HSPA12B: variants seen among roughly 807,000 people sequenced by gnomAD.
HSPA12B encodes heat shock protein family A (Hsp70) member 12B.
Under a neutral mutation model 69.3 loss-of-function variants are expected in HSPA12B, and 54 were observed. The ratio of observed to expected loss-of-function variants is 0.78; its 90% CI spans 0.63 to 0.98. The LOEUF (loss-of-function observed/expected upper bound fraction) is 0.98, where lower values mean the gene tolerates loss of function less well. Ranked by LOEUF, HSPA12B falls within the 50% of genes least tolerant of loss-of-function variation. HSPA12B has a pLI of 0.00. For synonymous variants in HSPA12B, 441 were observed against 436.5 expected, an observed-to-expected ratio of 1.01 and a Z score of -0.13; for missense variants, 929 against 999.8, an observed-to-expected ratio of 0.93 and a Z score of 0.96.
At position 3,752,259 on chromosome 20, in the gene HSPA12B, A is replaced by G; in HGVS notation, c.*93A>G. 1 of 1,226,386 alleles carries G rather than the reference A, an allele frequency of 8.2e-7. No homozygotes were observed. Among genetic ancestry groups the G allele is most frequent in the Non-Finnish European group, 1.1e-6 (1 of 931,072 alleles). 76.0% of individuals were successfully genotyped at this position (1,226,386 alleles called of 1,614,324 possible). On this transcript the variant is annotated 3_prime_UTR_variant, in exon 13 of 13. Transcript: ENST00000254963. The stretch of plus-strand genomic sequence containing the variant: ...AGCGGGTTGGGGCGGGGGAAACGAT[A>G]GTTCTGCAGTCTGCGCCTTTCCACG...
Position 3,746,081 on chromosome 20 carries a change from C to G in HSPA12B, c.675+50C>G, listed in dbSNP as rs200657648. On this transcript the variant is annotated intron_variant, in intron 7 of 12. Transcript: ENST00000254963. ...GAACACTGCTCAGGAAGGGCCAGGCCTGTCCCCATGCTTGCATGCACCCCA... is the reference window on the plus strand; with the variant it reads ...GAACACTGCTCAGGAAGGGCCAGGCGTGTCCCCATGCTTGCATGCACCCCA... The G allele has an allele frequency of 5.5e-5, 77 of 1,404,278 alleles. No homozygotes were observed. In the Admixed American group the frequency reaches 1.3e-3, roughly 23 times the overall value. 87.0% of individuals were successfully genotyped at this position (1,404,278 alleles called of 1,614,324 possible). A position where few individuals can be genotyped will look rare whatever the true frequency, so the allele number is the denominator to read the frequency against.
intron 1 of HSPA12B, among the ~76,000 whole-genome samples, chr20:3,736,800 A>C (rs1029930208): frequency 6.6e-6 from 1 of 152,206 alleles, no homozygotes; most frequent in Non-Finnish European, 1.5e-5. Flanking sequence ...AGACGGGCGG[A>C]TCACCTGAGG....
chr20:3,742,399 A>C lies in HSPA12B; in HGVS notation c.257A>C (p.His86Pro). The C allele has an allele frequency of 6.2e-7, 1 of 1,611,238 alleles. No individual in the cohort carries two copies. Among genetic ancestry groups the C allele is most frequent in the Non-Finnish European group, 8.5e-7 (1 of 1,177,798 alleles). Residue 86 changes from histidine (H) to proline (P), a missense_variant, in exon 4 of 13, where the codon CAC becomes CCC. By Grantham distance (77) the His-to-Pro change is moderately conservative. Around this residue, in one of 3 missense-constraint regions of HSPA12B, gnomAD observed 477 missense variants for 535.2 expected, o/e 0.89. Transcript: ENST00000254963. ...FSFASDPEAI[H>P]MMRKWEGGDP... ...TTTGCCAGTGACCCTGAGGCCATCC[A>C]CATGATGAGGTGAGGTCGGCTGGGC...
Position 3,739,562 on chromosome 20 carries a change from G to A in HSPA12B, c.43+845G>A, listed in dbSNP as rs111655204. 8.5e-4 allele frequency among the ~76,000 whole-genome samples: 130 copies of A among 152,286 alleles called. 2 individuals carry two copies. The highest frequency in any genetic ancestry group is 3.3e-3 in the Admixed American group (50 of 15,302). On this transcript the variant is annotated intron_variant, in intron 2 of 12. Transcript: ENST00000254963. ...TCGAGCCACAGCAACTTGGCCTCTC[G>A]GGCTGCAGCTGGTGGCAGGGCTGGA...
rs1278712431 is a variant in HSPA12B at position 3,740,111 on chromosome 20, G to A, written c.44-704G>A. ...CAGGCGTGCAAGAGGGTCTTGATGG[G>A]GCGTCCTGCCCTGAAATGCTGGCTC... On this transcript the variant is annotated intron_variant, in intron 2 of 12. Transcript: ENST00000254963. This position sits in a 1 kb window ranked among gnomAD's most constrained non-coding sequence, Gnocchi z 4.9. Among the ~76,000 whole-genome samples the A allele has an allele frequency of 1.3e-5, 2 of 152,146 alleles. No homozygotes were observed. The highest frequency in any genetic ancestry group is 1.3e-4 in the Admixed American group (2 of 15,278).
At chr20:3,750,284 A>C (rs2088391991) in intron 11 of HSPA12B, 57 bp downstream of exon 11, 4 of 1,500,070 alleles carry the variant, frequency 2.7e-6, no homozygotes, top group South Asian at 2.6e-5. Context: ...ATGACCGTGC[A>C]CTGGAGGGTC....
chr20:3,748,523 C>A, intron 8 of HSPA12B, 132 bp downstream of exon 8: 1 of 878,382 alleles, frequency 1.1e-6, no homozygotes, highest in Non-Finnish European at 1.6e-6. Context: ...CAGGCAGAAA[C>A]ATGGCTGGTG....
intron 1 of HSPA12B, among the ~76,000 whole-genome samples, chr20:3,733,676 G>A (rs1485611717): frequency 2.0e-5 from 3 of 152,204 alleles, no homozygotes; most frequent in Non-Finnish European, 4.4e-5. Flanking sequence ...AACAGAGTGG[G>A]GCAGCCCTTT....
chr20:3,743,047 T>C lies in HSPA12B; in HGVS notation c.266+639T>C, dbSNP rs1314076993. ...CGCCACCACACCCAGCTAATTTTTT[T>C]TTTTTTTTTTGTATTTTTAGTAGAG... On this transcript the variant is annotated intron_variant, in intron 4 of 12. Coordinates refer to ENST00000254963, the MANE Select transcript of HSPA12B (RefSeq NM_052970.5). 2.0e-5 allele frequency among the ~76,000 whole-genome samples: 3 copies of C among 151,792 alleles called. No individual in the cohort carries two copies. The East Asian group carries it at 5.8e-4, about 29-fold the overall frequency.
chr20:3,750,245 G>A lies in HSPA12B; in HGVS notation c.1301+18G>A, dbSNP rs753876891. The stretch of plus-strand genomic sequence containing the variant: ...AGGAGCAGGTGGGTCCTGAGCCCGC[G>A]GGCTCAGGCAGGGTTTGCCGACCCG... On this transcript the variant is annotated intron_variant, in intron 11 of 12. Transcript: ENST00000254963. 1.0e-5 allele frequency: 16 copies of A among 1,571,796 alleles called. No individual in the cohort carries two copies. The highest frequency in any genetic ancestry group is 1.4e-5 in the African/African-American group (1 of 73,750).
intron 3 of HSPA12B, among the ~76,000 whole-genome samples, chr20:3,741,401 G>A (rs1057122299): frequency 1.6e-4 from 25 of 152,302 alleles, no homozygotes; most frequent in African/African-American, 6.0e-4. Context: ...GGAGGCCGAG[G>A]TGGGCAGATT....
At chr20:3,743,250 C>G (rs2088238918) in intron 4 of HSPA12B, among the ~76,000 whole-genome samples, 1 of 148,640 alleles carries the variant, frequency 6.7e-6, no homozygotes, top group African/African-American at 2.5e-5. Flanking sequence ...GTGGTGTGAT[C>G]ATAGCTCACT....
At position 3,742,847 on chromosome 20, in the gene HSPA12B, G is replaced by C. The variant is rs368502176; in HGVS notation, c.266+439G>C. 5.5e-4 allele frequency among the ~76,000 whole-genome samples: 83 copies of C among 151,618 alleles called. 1 individual carries two copies. The highest frequency in any genetic ancestry group is 1.9e-3 in the African/African-American group (78 of 41,336). On this transcript the variant is annotated intron_variant, in intron 4 of 12. Coordinates refer to ENST00000254963, the MANE Select transcript of HSPA12B (RefSeq NM_052970.5). ...CAAGTAGCTGGGAATACAGGTGTGC[G>C]CCACTATGCCTGGCTAACTTTTGTG...
chr20:3,749,187 A>C lies in HSPA12B; in HGVS notation c.851-45A>C, dbSNP rs780249409. On this transcript the variant is annotated intron_variant, in intron 8 of 12. Transcript: ENST00000254963. This position sits in a 1 kb window ranked among gnomAD's most constrained non-coding sequence, Gnocchi z 5.5. ...GATGGGAGTTGAACGCCATAGCTGG[A>C]GCACCTCCTTCTAATCTCACTCCCT... The C allele has an allele frequency of 2.6e-6, 4 of 1,551,846 alleles. No homozygotes were observed. Among genetic ancestry groups the C allele is most frequent in the Non-Finnish European group, 2.7e-6 (3 of 1,131,588 alleles).
chr20:3,740,675 C>G lies in HSPA12B; in HGVS notation c.44-140C>G. 1.5e-6 allele frequency: 1 copy of G among 686,974 alleles called. No homozygotes were observed. Among genetic ancestry groups the G allele is most frequent in the South Asian group, 1.7e-5 (1 of 59,824 alleles). The allele number at this position is 686,974 out of a possible 1,614,324, so 42.6% of individuals were successfully genotyped here. A position where few individuals can be genotyped will look rare whatever the true frequency, so the allele number is the denominator to read the frequency against. On this transcript the variant is annotated intron_variant, in intron 2 of 12. Transcript: ENST00000254963. The surrounding 1 kb of genome is among the most constrained non-coding windows in gnomAD (Gnocchi z 4.9). ...CGTCATGTGTGTCTTTCCTACACCC[C>G]GCAGTCCTCCTCCCCAGCAGAGAGC... is the stretch of plus-strand genomic sequence containing the variant.
Position 3,751,687 on chromosome 20 carries a change from G to C in HSPA12B, c.1582G>C (p.Gly528Arg), listed in dbSNP as rs1265054748. The C allele has an allele frequency of 6.7e-7, 1 of 1,490,428 alleles. No homozygotes were observed. Among genetic ancestry groups the C allele is most frequent in the African/African-American group, 1.4e-5 (1 of 69,024 alleles). 92.3% of individuals were successfully genotyped at this position (1,490,428 alleles called of 1,614,324 possible). ...LTILKGAVLF[G>R]QAPGVVRVRR... ...CATCCTCAAAGGCGCGGTGCTGTTC[G>C]GCCAGGCGCCGGGCGTGGTGCGGGT... The change falls in exon 13 of 13, where the codon GGC becomes CGC. Residue 528 changes from glycine to arginine, a missense_variant. Around this residue, in one of 3 missense-constraint regions of HSPA12B, gnomAD observed 448 missense variants for 448.1 expected, o/e 1.00. Coordinates refer to ENST00000254963, the MANE Select transcript of HSPA12B (RefSeq NM_052970.5).
chr20:3,747,522 C>T (rs2088327772), intron 7 of HSPA12B, among the ~76,000 whole-genome samples: 2 of 152,196 alleles, frequency 1.3e-5, no homozygotes, highest in Non-Finnish European at 2.9e-5. Context: ...ACACCCTTAT[C>T]CCTCTCCCCT....
chr20:3,746,079 G>A, intron 7 of HSPA12B, 48 bp downstream of exon 7: 1 of 1,429,076 alleles, frequency 7.0e-7, no homozygotes, highest in Non-Finnish European at 9.9e-7. Context: ...GAAGGGCCAG[G>A]CCTGTCCCCA....
At position 3,745,517 on chromosome 20, in the gene HSPA12B, G is replaced by A. The variant is rs754169412; in HGVS notation, c.478G>A (p.Glu160Lys). The A allele has an allele frequency of 6.2e-7, 1 of 1,614,166 alleles. No individual in the cohort carries two copies. Among genetic ancestry groups the A allele is most frequent in the Non-Finnish European group, 8.5e-7 (1 of 1,180,014 alleles). ...GGATCTCACCTTGAAGACCCAGCTA[G>A]AGGCAGTAAATGGAAAGACGATGCC... is the stretch of plus-strand genomic sequence containing the variant. ...ATDLTLKTQL[E>K]AVNGKTMPAL... Residue 160 changes from glutamate (E) to lysine (K), a missense_variant, in exon 6 of 13, where the codon GAG becomes AAG. Coordinates refer to ENST00000254963, the MANE Select transcript of HSPA12B (RefSeq NM_052970.5). The surrounding 1 kb of genome is among the most constrained non-coding windows in gnomAD (Gnocchi z 5.6).
Sources: gnomAD v4.1 joint callset for allele counts (sites outside exome capture counted in the v4.1 genomes callset) on GRCh38, gnomAD v4.1.1 for gene constraint, gnomAD v4.1.1 regional missense constraint, Gnocchi (gnomAD v3.1) non-coding constraint, MANE v1.5 for transcripts, NCBI Gene and HGNC (gene_info 2026-07-23, HGNC 2026-07-21) for gene names.